CPT1C: variants seen among roughly 807,000 people sequenced by gnomAD.
The protein encoded by CPT1C is palmitoyl thioesterase CPT1C.
In CPT1C, 61 loss-of-function variants were observed where a neutral mutation model predicts 97.3. That is an observed-to-expected ratio of 0.63 (90% CI 0.51 to 0.78). CPT1C has a LOEUF of 0.78. Among genes scored for constraint, CPT1C ranks in the 30% least tolerant of loss-of-function variants. The pLI, the probability that CPT1C is intolerant of heterozygous loss-of-function variation, is 0.00. For synonymous variants in CPT1C, 469 were observed against 447.2 expected (o/e 1.05, Z -0.61); for missense variants, 975 against 1,065.5 (o/e 0.92, Z 1.18).
chr19:49,712,679 C>A, intron 17 of CPT1C, 57 bp from the exon 18 acceptor site: 1 of 1,317,566 alleles, frequency 7.6e-7, no homozygotes. Flanking sequence ...TGAAGTGGAG[C>A]CAAGGGCCGG....
At chr19:49,699,254 G>A (rs533384196) in intron 4 of CPT1C, among the ~76,000 whole-genome samples, 4 of 151,668 alleles carry the variant, frequency 2.6e-5, no homozygotes, top group African/African-American at 4.8e-5. Flanking sequence ...TCTAGTTCTC[G>A]GATGAGTCCT....
At position 49,710,854 on chromosome 19, in the gene CPT1C, G is replaced by C. The variant is rs752201032; in HGVS notation, c.1863G>C (p.Lys621Asn). ...NFVRAMEDKE[K>N]TDPQCLALFR... ...TCAGGGCCATGGAGGACAAAGAGAA[G>C]ACGGTGGGTGCAGCCCTCGCTTGAG... The change falls in exon 16 of 20, where the codon AAG becomes AAC. Residue 621 changes from lysine (K) to asparagine (N), a missense_variant. Around this residue, in one of 3 missense-constraint regions of CPT1C, gnomAD observed 344 missense variants for 395.7 expected, o/e 0.87. Coordinates refer to ENST00000598293, the MANE Select transcript of CPT1C (RefSeq NM_001199753.2). 7 of 1,611,312 alleles carry C rather than the reference G, an allele frequency of 4.3e-6. No individual in the cohort carries two copies. Among genetic ancestry groups the C allele is most frequent in the Middle Eastern group, 1.7e-4 (1 of 5,984 alleles).
chr19:49,696,977 T>C (rs2082710365), intron 3 of CPT1C, among the ~76,000 whole-genome samples: 1 of 152,174 alleles, frequency 6.6e-6, no homozygotes, highest in Non-Finnish European at 1.5e-5. Flanking sequence ...CCCAAAGTGC[T>C]GAGTTTACAG....
At chr19:49,701,206 C>G (rs145945799) in intron 5 of CPT1C, 111 bp from the exon 6 acceptor site, 41 of 860,670 alleles carry the variant, frequency 4.8e-5, no homozygotes, top group Non-Finnish European at 7.2e-5. Context: ...CTCCGATGCT[C>G]TTAAGTCTCT....
rs1252957081 is a variant in CPT1C at position 49,706,342 on chromosome 19, C to T, written c.1272C>T (p.Leu424=). The change falls in exon 12 of 20, where the codon CTC becomes CTT. Residue 424 remains leucine, a synonymous_variant. Coordinates refer to ENST00000598293, the MANE Select transcript of CPT1C (RefSeq NM_001199753.2). This position sits in a 1 kb window ranked among gnomAD's most constrained non-coding sequence, Gnocchi z 4.8. The stretch of plus-strand genomic sequence containing the variant: ...CACTGGATGCTGAGCCCGCGGGGCT[C>T]ACCAGGGAGGACCCGGCAGCGTCGT... ...FVSLDAEPAG[L]TREDPAASLD... 2.0e-6 allele frequency: 3 copies of T among 1,521,140 alleles called. No homozygotes were observed. Among genetic ancestry groups the T allele is most frequent in the Admixed American group, 2.5e-5 (1 of 40,516 alleles). The allele number at this position is 1,521,140 out of a possible 1,614,324, so 94.2% of individuals were successfully genotyped here.
At chr19:49,707,431 T>A in intron 12 of CPT1C, 87 bp from the exon 13 acceptor site, 1 of 914,394 alleles carries the variant, frequency 1.1e-6, no homozygotes, top group Non-Finnish European at 1.8e-6. Context: ...TCTTCCCATC[T>A]AGAAAACCCC....
Position 49,700,783 on chromosome 19 carries a change from G to T in CPT1C, c.381G>T (p.Arg127Ser). Residue 127 changes from arginine (R) to serine (S), a missense_variant, in exon 5 of 20, where the codon AGG becomes AGT. Coordinates refer to ENST00000598293, the MANE Select transcript of CPT1C (RefSeq NM_001199753.2). ...ALIFTLHVALRLLLSYHGWLL... is the reference protein window; with the variant it reads ...ALIFTLHVALSLLLSYHGWLL... ...TCTTCACACTGCACGTGGCCCTGAG[G>T]CTGCTTCTGTCCTACCACGGCTGGC... 1 of 1,613,390 alleles carries T rather than the reference G, an allele frequency of 6.2e-7. No homozygotes were observed.
At chr19:49,703,222 T>C (rs1425867325) in intron 7 of CPT1C, among the ~76,000 whole-genome samples, 3 of 151,188 alleles carry the variant, frequency 2.0e-5, no homozygotes, top group Non-Finnish European at 4.4e-5. Flanking sequence ...CTTCCTTTTT[T>C]TCTTTGAGAT....
intron 14 of CPT1C, 52 bp downstream of exon 14, chr19:49,708,891 G>A: frequency 8.5e-7 from 1 of 1,173,044 alleles, no homozygotes; most frequent in Middle Eastern, 1.9e-4. Flanking sequence ...TCCTAGCCTT[G>A]ACTTCAAACT....
chr19:49,703,526 TTCTC>T (rs1268647323), intron 7 of CPT1C, among the ~76,000 whole-genome samples: 2 of 112,790 alleles, frequency 1.8e-5, no homozygotes, highest in Non-Finnish European at 3.7e-5. Context: ...TTCTCTATCT[TTCTC>T]TCTCTCCCCC....
chr19:49,713,533 C>G lies in CPT1C; in HGVS notation c.2340C>G (p.Ser780=), dbSNP rs2123545939. 6.2e-7 allele frequency: 1 copy of G among 1,614,196 alleles called. No homozygotes were observed. ...TCAGAGGGTCAGGGAAGGAGAACTC[C>G]AGGCACAGGTGTGGATTTCTCTCCC... ...RRFRGSGKEN[S]RHRCGFLSRQ... is the part of the protein sequence containing the mutation. The change falls in exon 20 of 20, where the codon TCC becomes TCG. Residue 780 remains serine (S), a synonymous_variant. Transcript: ENST00000598293.
At chr19:49,701,770 C>A (rs903862150) in intron 7 of CPT1C, 136 bp downstream of exon 7, 14 of 816,324 alleles carry the variant, frequency 1.7e-5, no homozygotes, top group Non-Finnish European at 2.4e-5. Context: ...AGGGTCAATA[C>A]CCTGAGCCCC....
intron 3 of CPT1C, among the ~76,000 whole-genome samples, chr19:49,695,249 T>G (rs555598658): frequency 6.6e-6 from 1 of 151,698 alleles, no homozygotes; most frequent in Non-Finnish European, 1.5e-5. Context: ...CACATATATA[T>G]GATAACATTA....
chr19:49,701,439 A>C (rs766933661), intron 6 of CPT1C, 21 bp downstream of exon 6: 1 of 1,594,434 alleles, frequency 6.3e-7, no homozygotes, highest in Non-Finnish European at 8.6e-7. Context: ...GAGCGCGCAG[A>C]CGGGCTGGGG....
At chr19:49,697,176 G>A in intron 3 of CPT1C, 150 bp from the exon 4 acceptor site, 1 of 930,920 alleles carries the variant, frequency 1.1e-6, no homozygotes, top group Non-Finnish European at 1.7e-6. Flanking sequence ...CTCGCTGAGG[G>A]CAGGACCTGG....
In CPT1C at chr19:49,701,410, G is replaced by C. The variant is rs768602342; in HGVS notation, c.547G>C (p.Val183Leu). ...GCCCGTGCCCTCTGTGCAGGACACC[G>C]TGCGCAAGGTGGGCCTGGGAGCGCG... is the stretch of plus-strand genomic sequence containing the variant. ...RQPVPSVQDTVRKYLESVRPI... is the reference protein window; with the variant it reads ...RQPVPSVQDTLRKYLESVRPI... The change falls in exon 6 of 20, where the codon GTG becomes CTG. Residue 183 changes from valine (V) to leucine (L), a missense_variant. Physicochemically the swap from Val to Leu is conservative, Grantham distance 32 (BLOSUM62 1). Coordinates refer to ENST00000598293, the MANE Select transcript of CPT1C (RefSeq NM_001199753.2). 6.2e-7 allele frequency: 1 copy of C among 1,609,228 alleles called. No homozygotes were observed. Among genetic ancestry groups the C allele is most frequent in the Non-Finnish European group, 8.5e-7 (1 of 1,177,322 alleles).
Position 49,701,989 on chromosome 19 carries a change from A to T in CPT1C, c.693+355A>T, listed in dbSNP as rs1258208435. On this transcript the variant is annotated intron_variant, in intron 7 of 19. Transcript: ENST00000598293. ...ATATAAATTTATAAATAAATATATA[A>T]ATATTATAAATATATTAAATATATT... Among the ~76,000 whole-genome samples the T allele has an allele frequency of 1.1e-3, 50 of 46,150 alleles. 13 individuals are homozygous for T. The highest frequency in any genetic ancestry group is 3.0e-3 in the African/African-American group (46 of 15,180). 30.3% of individuals were successfully genotyped at this position (46,150 alleles called of 152,430 possible).
intron 13 of CPT1C, among the ~76,000 whole-genome samples, chr19:49,708,021 A>G (rs1283476852): frequency 4.7e-5 from 7 of 150,218 alleles, no homozygotes; most frequent in Non-Finnish European, 8.9e-5. Context: ...AAAAAAAAAA[A>G]AAAAAAGAAA....
At chr19:49,694,090 AT>A (rs935794083) in intron 3 of CPT1C, among the ~76,000 whole-genome samples, 21 of 67,294 alleles carry the variant, frequency 3.1e-4, no homozygotes, top group African/African-American at 1.9e-3. Flanking sequence ...AAAATAAAAA[AT>A]AAATAAATAA....
Sources: allele counts gnomAD v4.1 joint callset (sites outside exome capture counted in the v4.1 genomes callset), GRCh38; gene constraint gnomAD v4.1.1; regional missense constraint gnomAD v4.1.1; non-coding constraint Gnocchi (gnomAD v3.1); transcripts MANE v1.5; gene names NCBI Gene and HGNC (gene_info 2026-07-23, HGNC 2026-07-21).